Variants in CNST observed in about 807,000 individuals in gnomAD.
CNST encodes the protein consortin, connexin sorting protein.
Under a neutral mutation model 72.4 loss-of-function variants are expected in CNST, and 39 were observed. The observed-to-expected ratio is 0.54, with a 90% CI of 0.42 to 0.70. The LOEUF is 0.70. Among genes scored for constraint, CNST ranks in the 30% least tolerant of loss-of-function variants. CNST has a pLI of 0.00. For missense variants in CNST, 871 were observed against 868.5 expected (o/e 1.00, Z -0.04); for synonymous variants, 332 against 320.1 (o/e 1.04, Z -0.40).
rs944254724 is a variant in CNST at position 246,665,984 on chromosome 1, C to G, written c.*79C>G. Reference sequence around the variant, plus strand: ...CTAAACAGTTTTTCTTTCAGGAATTCTGTAGCATTCCCCCTTCCCTCTGTT... The same window carrying G: ...CTAAACAGTTTTTCTTTCAGGAATTGTGTAGCATTCCCCCTTCCCTCTGTT... On this transcript the variant is annotated 3_prime_UTR_variant, in exon 11 of 11. Transcript: ENST00000366513. 8 of 1,009,138 alleles carry G rather than the reference C, an allele frequency of 7.9e-6. No homozygotes were observed. Among genetic ancestry groups the G allele is most frequent in the Non-Finnish European group, 1.2e-5 (8 of 676,692 alleles). 62.5% of individuals were successfully genotyped at this position (1,009,138 alleles called of 1,614,324 possible).
At chr1:246,627,762 A>G (rs1218448469) in intron 3 of CNST, among the ~76,000 whole-genome samples, 1 of 152,222 alleles carries the variant, frequency 6.6e-6, no homozygotes, top group African/African-American at 2.4e-5. Context: ...AGGTAATGAA[A>G]GCATCTAGGC....
intron 2 of CNST, among the ~76,000 whole-genome samples, chr1:246,604,306 G>GA (rs1240221234): frequency 6.6e-6 from 1 of 151,692 alleles, no homozygotes; most frequent in Non-Finnish European, 1.5e-5. Context: ...ATGATATGAA[G>GA]AAACGGTGTA....
At chr1:246,662,298 T>C (rs1443137786) in intron 10 of CNST, among the ~76,000 whole-genome samples, 1 of 152,202 alleles carries the variant, frequency 6.6e-6, no homozygotes, top group East Asian at 1.9e-4. Flanking sequence ...TGCTATCCCC[T>C]GGAAATTAAT....
At position 246,591,748 on chromosome 1, in the gene CNST, A is replaced by G. The variant is rs1404917424; in HGVS notation, c.186A>G (p.Gln62=). ...GTGACAGTGCGATGGGAAAGCCCCA[A>G]GTGTCTGAGCAGGACAGTCTCAATA... The part of the protein sequence containing the change: ...TSSDSAMGKP[Q]VSEQDSLNNN... The change falls in exon 2 of 11, where the codon CAA becomes CAG. Residue 62 remains glutamine, a synonymous_variant. Coordinates refer to ENST00000366513, the MANE Select transcript of CNST (RefSeq NM_152609.3). 6.2e-7 allele frequency: 1 copy of G among 1,614,222 alleles called. No individual in the cohort carries two copies. The highest frequency in any genetic ancestry group is 1.1e-5 in the South Asian group (1 of 91,088).
chr1:246,619,652 G>GTAGAA (rs1663925310), intron 2 of CNST, among the ~76,000 whole-genome samples: 1 of 152,188 alleles, frequency 6.6e-6, no homozygotes, highest in Non-Finnish European at 1.5e-5. Flanking sequence ...ACATAAATAG[G>GTAGAA]CTTAAACAGG....
intron 1 of CNST, among the ~76,000 whole-genome samples, chr1:246,582,803 T>C (rs562376929): frequency 6.6e-5 from 10 of 152,306 alleles, no homozygotes; most frequent in Admixed American, 5.2e-4. Flanking sequence ...CAGGTACGAG[T>C]AGAATGGAGG....
chr1:246,574,056 A>T lies in CNST; in HGVS notation c.-52+7393A>T, dbSNP rs531346202. Among the ~76,000 whole-genome samples the T allele has an allele frequency of 6.6e-5, 10 of 152,234 alleles. No homozygotes were observed. In the South Asian group the frequency reaches 2.1e-3, roughly 32 times the overall value. On this transcript the variant is annotated intron_variant, in intron 1 of 10. Coordinates refer to ENST00000366513, the MANE Select transcript of CNST (RefSeq NM_152609.3). Reference sequence around the variant, plus strand: ...AATAATGCTCCAAAGATGTTTTTTAATAAAACTGAGTCTCGCTCTGTTGCC... The same window carrying T: ...AATAATGCTCCAAAGATGTTTTTTATTAAAACTGAGTCTCGCTCTGTTGCC...
At chr1:246,633,763 A>T (rs530680640) in intron 4 of CNST, among the ~76,000 whole-genome samples, 161 bp from the exon 5 acceptor site, 6 of 151,796 alleles carry the variant, frequency 4.0e-5, no homozygotes, top group East Asian at 3.9e-4. Context: ...AAAAAAAAAG[A>T]GAGAAACATT....
chr1:246,633,546 G>A (rs1171548642), intron 4 of CNST, among the ~76,000 whole-genome samples: 1 of 151,942 alleles, frequency 6.6e-6, no homozygotes, highest in African/African-American at 2.4e-5. Context: ...TTCGAGACGA[G>A]CCTGGCTCAC....
chr1:246,599,480 G>C lies in CNST; in HGVS notation c.379+7539G>C, dbSNP rs534695832. Among the ~76,000 whole-genome samples, 45 of 152,320 alleles carry C rather than the reference G, an allele frequency of 3.0e-4. 1 individual carries two copies. The South Asian group carries it at 8.9e-3, about 30-fold the overall frequency. The stretch of plus-strand genomic sequence containing the variant: ...TTCCTCCATCTTCAAGGCCAGCAGT[G>C]GCTTTGAAGTGAGCTCAAGTCCTCA... On this transcript the variant is annotated intron_variant, in intron 2 of 10. Transcript: ENST00000366513.
rs767325288 is a variant in CNST, at chr1:246,647,330, T to A, written c.1129T>A (p.Ser377Thr). Reference sequence around the variant, plus strand: ...AGCCACGTTAGCGCTCCACACCCAGTCCTCCGAGACAGCAGGGAGCCCGTC... The same window carrying A: ...AGCCACGTTAGCGCTCCACACCCAGACCTCCGAGACAGCAGGGAGCCCGTC... ...AEATLALHTQ[S>T]SETAGSPSGP... The change falls in exon 9 of 11, where the codon TCC (serine) becomes ACC (threonine). Residue 377 changes from serine to threonine, a missense_variant. Ser to Thr is a moderately conservative substitution (Grantham distance 58). Transcript: ENST00000366513. 2.2e-5 allele frequency: 35 copies of A among 1,613,984 alleles called. No individual in the cohort carries two copies. Among genetic ancestry groups the A allele is most frequent in the Non-Finnish European group, 2.8e-5 (33 of 1,180,038 alleles).
At chr1:246,635,722 G>C (rs535960795) in intron 6 of CNST, among the ~76,000 whole-genome samples, 53 of 152,292 alleles carry the variant, frequency 3.5e-4, no homozygotes, top group South Asian at 8.3e-4. Context: ...GCAGCCTTTA[G>C]TCTAATTATT....
chr1:246,574,243 G>A (rs551267818), intron 1 of CNST, among the ~76,000 whole-genome samples: 8 of 152,166 alleles, frequency 5.3e-5, no homozygotes, highest in South Asian at 4.2e-4. Flanking sequence ...GGATTTCACC[G>A]TGTTAGCCAG....
chr1:246,644,504 C>T, intron 8 of CNST, among the ~76,000 whole-genome samples: 1 of 152,250 alleles, frequency 6.6e-6, no homozygotes, highest in South Asian at 2.1e-4. Context: ...CTCTTCTCCG[C>T]CCTCCAGTTG....
chr1:246,652,474 T>C (rs1666501887), intron 9 of CNST, among the ~76,000 whole-genome samples: 1 of 152,192 alleles, frequency 6.6e-6, no homozygotes. Context: ...ATAATCATAG[T>C]ATGTAATTCA....
At chr1:246,641,288 A>G (rs115488126) in intron 6 of CNST, among the ~76,000 whole-genome samples, 2,386 of 152,298 alleles carry the variant, frequency 0.016, 24 homozygotes, top group Middle Eastern at 0.037. Context: ...TGTGCCTTTA[A>G]TGGATATGTA....
intron 6 of CNST, among the ~76,000 whole-genome samples, chr1:246,637,510 T>G (rs1558578955): frequency 6.6e-6 from 1 of 152,172 alleles, no homozygotes; most frequent in Non-Finnish European, 1.5e-5. Flanking sequence ...CGTCCATACA[T>G]GATTCCAAAG....
chr1:246,659,302 A>G (rs1666935566), intron 9 of CNST, among the ~76,000 whole-genome samples: 1 of 152,164 alleles, frequency 6.6e-6, no homozygotes, highest in African/African-American at 2.4e-5. Flanking sequence ...ACTAGAAAGT[A>G]ATATGTCCCA....
At chr1:246,580,743 T>C (rs1418436916) in intron 1 of CNST, among the ~76,000 whole-genome samples, 1 of 152,054 alleles carries the variant, frequency 6.6e-6, no homozygotes, top group Non-Finnish European at 1.5e-5. Flanking sequence ...GAAGGTTTCT[T>C]TTTTTTTCTT....
Sources: allele counts gnomAD v4.1 joint callset (sites outside exome capture counted in the v4.1 genomes callset), GRCh38; gene constraint gnomAD v4.1.1; transcripts MANE v1.5; gene names NCBI Gene and HGNC (gene_info 2026-07-23, HGNC 2026-07-21).